Variants in MYO18B observed in about 807,000 individuals in gnomAD.
The protein encoded by MYO18B is unconventional myosin-XVIIIb.
Under a neutral mutation model 273.0 loss-of-function variants are expected in MYO18B, and 204 were observed. The ratio of observed to expected loss-of-function variants is 0.75; its 90% CI spans 0.67 to 0.84. MYO18B has a LOEUF of 0.84. Among genes scored for constraint, MYO18B ranks in the 40% least tolerant of loss-of-function variants. The probability of loss-of-function intolerance (pLI) is 0.00; values close to 1 mark genes in which losing one functional copy is unlikely to be tolerated. For missense variants in MYO18B, 3,212 were observed against 3,287.6 expected, an observed-to-expected ratio of 0.98 and a Z score of 0.56; for synonymous variants, 1,330 against 1,305.7, an observed-to-expected ratio of 1.02 and a Z score of -0.40.
chr22:25,796,799 G>A (rs1038356031), intron 11 of MYO18B, among the ~76,000 whole-genome samples: 4 of 152,178 alleles, frequency 2.6e-5, no homozygotes, highest in African/African-American at 7.2e-5. Context: ...GTGGGGGCAC[G>A]TATCAGTATT....
At chr22:25,971,018 A>G (rs1657914921) in intron 39 of MYO18B, among the ~76,000 whole-genome samples, 1 of 152,246 alleles carries the variant, frequency 6.6e-6, no homozygotes, top group South Asian at 2.1e-4. Context: ...GCTCTGATCC[A>G]GGGACTGGCA....
intron 3 of MYO18B, among the ~76,000 whole-genome samples, chr22:25,764,194 C>G (rs133890): frequency 0.58 from 88,107 of 152,152 alleles, 27,565 homozygotes; most frequent in East Asian, 0.83. Flanking sequence ...AGCGCTGCTG[C>G]ATTGAAGCAA....
intron 1 of MYO18B, among the ~76,000 whole-genome samples, chr22:25,754,070 G>A (rs900686605): frequency 3.3e-5 from 5 of 152,206 alleles, no homozygotes; most frequent in Non-Finnish European, 5.9e-5. Flanking sequence ...CTAAGTATGT[G>A]CTAGGCACTA....
chr22:26,061,004 C>CCACATATGCACACATGAACACACAT, the MYO18B span, among the ~76,000 whole-genome samples: 6 of 96,684 alleles, frequency 6.2e-5, no homozygotes, highest in African/African-American at 4.9e-4. Context: ...TATGCACACA[C>CCACATATGCACACATGAACACACAT]ATACACACAC....
chr22:25,750,143 C>A (rs759236852), intron 1 of MYO18B, among the ~76,000 whole-genome samples: 4 of 152,120 alleles, frequency 2.6e-5, no homozygotes, highest in Non-Finnish European at 4.4e-5. Flanking sequence ...GAAGCTGTTA[C>A]TTTTCTGGGC....
At chr22:26,060,346 C>A in the MYO18B span, among the ~76,000 whole-genome samples, 2 of 151,880 alleles carry the variant, frequency 1.3e-5, no homozygotes, top group African/African-American at 4.9e-5. Flanking sequence ...AGTTCACCAA[C>A]CCCTGATTTA....
the MYO18B span, among the ~76,000 whole-genome samples, chr22:26,047,127 T>A: frequency 9.0e-6 from 1 of 110,672 alleles, no homozygotes; most frequent in Non-Finnish European, 1.9e-5. Flanking sequence ...GTTGGCCCAT[T>A]TTTTTTTTTT....
At chr22:25,793,926 ATTC>A (rs2087788318) in intron 11 of MYO18B, among the ~76,000 whole-genome samples, 1 of 151,798 alleles carries the variant, frequency 6.6e-6, no homozygotes, top group Non-Finnish European at 1.5e-5. Context: ...TCTCTCCCAT[ATTC>A]TTTGTCTCTC....
Position 25,797,939 on chromosome 22 carries a change from C to T in MYO18B, c.2377-14C>T, listed in dbSNP as rs2145758449. 6.2e-7 allele frequency: 1 copy of T among 1,614,038 alleles called. No homozygotes were observed. The highest frequency in any genetic ancestry group is 8.5e-7 in the Non-Finnish European group (1 of 1,179,908). ...CGATGGCCTTGTTTTCTTCCTCTCT[C>T]CCTTTGCCCGCAGCCTGAAGATAAA... On this transcript the variant is annotated splice_polypyrimidine_tract_variant and intron_variant, in intron 11 of 43. Coordinates refer to ENST00000335473, the MANE Select transcript of MYO18B (RefSeq NM_032608.7).
intron 21 of MYO18B, among the ~76,000 whole-genome samples, chr22:25,858,478 G>A (rs1290169976): frequency 6.6e-6 from 1 of 152,182 alleles, no homozygotes; most frequent in Non-Finnish European, 1.5e-5. Flanking sequence ...GAAGCACTTT[G>A]CAGCTATGGC....
intron 42 of MYO18B, among the ~76,000 whole-genome samples, chr22:26,023,950 C>A (rs1333295402): frequency 6.6e-6 from 1 of 152,204 alleles, no homozygotes; most frequent in African/African-American, 2.4e-5. Context: ...CTCTTCCAGC[C>A]CATGTCCAGC....
chr22:25,963,234 G>A (rs960569659), intron 39 of MYO18B, among the ~76,000 whole-genome samples: 1 of 151,128 alleles, frequency 6.6e-6, no homozygotes, highest in Non-Finnish European at 1.5e-5. Flanking sequence ...AGGTTGGGAG[G>A]AGGGTCTGTG....
chr22:25,940,931 C>A (rs1289760753), intron 34 of MYO18B, among the ~76,000 whole-genome samples: 1 of 152,180 alleles, frequency 6.6e-6, no homozygotes. Context: ...GGCAATGAAG[C>A]CCTCCGTAGA....
intron 12 of MYO18B, among the ~76,000 whole-genome samples, chr22:25,799,235 G>T (rs1012286628): frequency 1.3e-5 from 2 of 150,708 alleles, no homozygotes; most frequent in Non-Finnish European, 3.0e-5. Flanking sequence ...TGACCATCAG[G>T]TTCCTTTCTA....
chr22:26,016,004 G>A (rs1237995936), intron 42 of MYO18B, among the ~76,000 whole-genome samples: 1 of 152,182 alleles, frequency 6.6e-6, no homozygotes, highest in East Asian at 1.9e-4. Flanking sequence ...ATTAATGGAT[G>A]CATAATTTCC....
At chr22:25,936,192 G>A (rs752533713) in intron 34 of MYO18B, among the ~76,000 whole-genome samples, 14 of 152,162 alleles carry the variant, frequency 9.2e-5, no homozygotes, top group Non-Finnish European at 2.1e-4. Flanking sequence ...GCCTTTTTTG[G>A]ATGTTTTATC....
chr22:25,798,172 C>T lies in MYO18B; in HGVS notation c.2521+75C>T, dbSNP rs139831998. The T allele has an allele frequency of 4.0e-4, 594 of 1,479,630 alleles. 4 individuals carry two copies. In the African/African-American group the frequency reaches 7.3e-3, roughly 18 times the overall value. The allele number at this position is 1,479,630 out of a possible 1,614,324, so 91.7% of individuals were successfully genotyped here. A position where few individuals can be genotyped will look rare whatever the true frequency, so the allele number is the denominator to read the frequency against. Reference sequence around the variant, plus strand: ...CAGGTGCCTGACAAGGCCCTTCTCTCGGAGCGGTGGGAACAGGGTCAATCT... The same window carrying T: ...CAGGTGCCTGACAAGGCCCTTCTCTTGGAGCGGTGGGAACAGGGTCAATCT... On this transcript the variant is annotated intron_variant, in intron 12 of 43. Coordinates refer to ENST00000335473, the MANE Select transcript of MYO18B (RefSeq NM_032608.7).
rs374184693 is a variant in MYO18B, at chr22:25,795,212, T to C, written c.2377-2741T>C. Among the ~76,000 whole-genome samples, 213 of 152,382 alleles carry C rather than the reference T, an allele frequency of 1.4e-3. 9 individuals are homozygous for C. In the South Asian group the frequency reaches 0.043, roughly 31 times the overall value. On this transcript the variant is annotated intron_variant, in intron 11 of 43. Coordinates refer to ENST00000335473, the MANE Select transcript of MYO18B (RefSeq NM_032608.7). ...AGTTGACTTATTCTGTTCACTTGAC[T>C]TCTTTCTGTTTTCATGATTTTGATC...
chr22:25,809,657 G>A (rs1231569144), intron 12 of MYO18B, among the ~76,000 whole-genome samples: 1 of 152,116 alleles, frequency 6.6e-6, no homozygotes, highest in Non-Finnish European at 1.5e-5. Context: ...AATGGATGGG[G>A]CTGTAACTCA....
Sources: allele counts gnomAD v4.1 joint callset (sites outside exome capture counted in the v4.1 genomes callset), GRCh38; gene constraint gnomAD v4.1.1; transcripts MANE v1.5; gene names NCBI Gene and HGNC (gene_info 2026-07-23, HGNC 2026-07-21).